Variants in NKAIN3 observed in about 807,000 individuals in gnomAD.
NKAIN3 encodes the protein sodium/potassium transporting ATPase interacting 3, also known as sodium/potassium-transporting ATPase subunit beta-1-interacting protein 3.
In NKAIN3, 25 loss-of-function variants were observed where a neutral mutation model predicts 30.2. That is an observed-to-expected ratio of 0.83 (90% CI 0.60 to 1.16). The LOEUF is 1.16. Ranked by LOEUF, NKAIN3 falls within the 50% of genes most tolerant of loss-of-function variation. The pLI is 0.00. For synonymous variants in NKAIN3, 91 were observed against 89.6 expected (o/e 1.02, Z -0.09); for missense variants, 225 against 254.1 (o/e 0.89, Z 0.78).
chr8:62,879,432 A>T (rs1376008562), intron 4 of NKAIN3, among the ~76,000 whole-genome samples: 1 of 152,096 alleles, frequency 6.6e-6, no homozygotes, highest in Non-Finnish European at 1.5e-5. Flanking sequence ...AGATGAGTAG[A>T]TTGCAAAAAT....
intron 3 of NKAIN3, among the ~76,000 whole-genome samples, chr8:62,590,385 A>G (rs1404604317): frequency 6.6e-6 from 1 of 151,894 alleles, no homozygotes; most frequent in Non-Finnish European, 1.5e-5. Context: ...CTGCCTGTCT[A>G]GAACTGTCAG....
chr8:62,288,207 T>A (rs985030801), intron 1 of NKAIN3, among the ~76,000 whole-genome samples: 1 of 152,088 alleles, frequency 6.6e-6, no homozygotes, highest in Non-Finnish European at 1.5e-5. Context: ...AGTGTTTTCA[T>A]CAGCGTTTAC....
chr8:62,865,581 A>G (rs1389664889), intron 4 of NKAIN3, among the ~76,000 whole-genome samples: 1 of 152,228 alleles, frequency 6.6e-6, no homozygotes, highest in East Asian at 1.9e-4. Context: ...GTTGTGTGAC[A>G]TGCAAATGTC....
At chr8:62,896,979 A>C (rs1025652223) in intron 4 of NKAIN3, among the ~76,000 whole-genome samples, 1 of 152,188 alleles carries the variant, frequency 6.6e-6, no homozygotes, top group Non-Finnish European at 1.5e-5. Flanking sequence ...AGAAGGAAGA[A>C]GCTATAAGAT....
chr8:62,827,462 T>C (rs1819062429), intron 4 of NKAIN3, among the ~76,000 whole-genome samples: 1 of 152,208 alleles, frequency 6.6e-6, no homozygotes, highest in African/African-American at 2.4e-5. Flanking sequence ...TCCAAATATG[T>C]GGAGAGCAAA....
chr8:62,443,376 A>G (rs1805388523), intron 1 of NKAIN3, among the ~76,000 whole-genome samples: 1 of 151,572 alleles, frequency 6.6e-6, no homozygotes, highest in African/African-American at 2.4e-5. Flanking sequence ...TTTAACTGAT[A>G]TTTTATTTAT....
chr8:62,382,931 T>C lies in NKAIN3; in HGVS notation c.54+133804T>C, dbSNP rs151264841. ...TTTTTCTACAATAACGATGGCCACT[T>C]TAATGGTGTAATCTTCACAGACTTT... is the stretch of plus-strand genomic sequence containing the variant. On this transcript the variant is annotated intron_variant, in intron 1 of 6. Transcript: ENST00000623646. 1.6e-4 allele frequency among the ~76,000 whole-genome samples: 24 copies of C among 152,304 alleles called. No homozygotes were observed. The East Asian group carries it at 4.6e-3, about 29-fold the overall frequency.
chr8:62,543,300 G>A (rs1003054185), intron 1 of NKAIN3, among the ~76,000 whole-genome samples: 2 of 151,988 alleles, frequency 1.3e-5, no homozygotes, highest in Non-Finnish European at 2.9e-5. Flanking sequence ...CCTTCCTTTG[G>A]TCCATCTAGC....
chr8:62,966,658 T>C lies in NKAIN3; in HGVS notation c.*1251T>C, dbSNP rs1823721284. On this transcript the variant is annotated 3_prime_UTR_variant, in exon 7 of 7. Transcript: ENST00000623646. ...CACTGATAATTTGGTCTGTTCTCAATATAAAATATATACACTTTTCACATC... is the reference window on the plus strand; with the variant it reads ...CACTGATAATTTGGTCTGTTCTCAACATAAAATATATACACTTTTCACATC... Among the ~76,000 whole-genome samples, 1 of 152,226 alleles carries C rather than the reference T, an allele frequency of 6.6e-6. No individual in the cohort carries two copies. Among genetic ancestry groups the C allele is most frequent in the South Asian group, 2.1e-4 (1 of 4,824 alleles).
In NKAIN3 at chr8:62,967,411, A is replaced by C. The variant is rs1054858980; in HGVS notation, c.*2004A>C. On this transcript the variant is annotated 3_prime_UTR_variant, in exon 7 of 7. Coordinates refer to ENST00000623646, the MANE Select transcript of NKAIN3 (RefSeq NM_001304533.3). ...GAGAATTTAACGAAAAATGTAAAAA[A>C]ATTCTCAGTACACAGTGAAGCACTC... Among the ~76,000 whole-genome samples, 3 of 152,114 alleles carry C rather than the reference A, an allele frequency of 2.0e-5. No individual in the cohort carries two copies. Among genetic ancestry groups the C allele is most frequent in the African/African-American group, 4.8e-5 (2 of 41,368 alleles).
At chr8:62,813,050 T>C (rs556067550) in intron 4 of NKAIN3, among the ~76,000 whole-genome samples, 2 of 152,076 alleles carry the variant, frequency 1.3e-5, no homozygotes, top group Admixed American at 1.3e-4. Context: ...TAAGGCCTCA[T>C]TCTTCTCCAC....
At chr8:62,312,144 A>G (rs936186177) in intron 1 of NKAIN3, among the ~76,000 whole-genome samples, 1 of 150,570 alleles carries the variant, frequency 6.6e-6, no homozygotes, top group Non-Finnish European at 1.5e-5. Flanking sequence ...AAGGAACTAC[A>G]TAAGATTTCT....
At chr8:62,894,952 T>G (rs1821389898) in intron 4 of NKAIN3, among the ~76,000 whole-genome samples, 1 of 152,202 alleles carries the variant, frequency 6.6e-6, no homozygotes, top group South Asian at 2.1e-4. Flanking sequence ...AGCAGTCAGC[T>G]CCCTTTAAAG....
At position 62,496,744 on chromosome 8, in the gene NKAIN3, A is replaced by T. The variant is rs150174706; in HGVS notation, c.55-82795A>T. ...TGAAGACCCGCTTTCAAAAAAATGG[A>T]GCTAAAACGTGTTGTATAACATGAT... On this transcript the variant is annotated intron_variant, in intron 1 of 6. Transcript: ENST00000623646. Among the ~76,000 whole-genome samples the T allele has an allele frequency of 2.6e-5, 4 of 152,300 alleles. No individual in the cohort carries two copies. The East Asian group carries it at 7.7e-4, about 29-fold the overall frequency.
rs1818868924 is a variant in NKAIN3, at chr8:62,822,214, G to A, written c.471+75085G>A. Among the ~76,000 whole-genome samples, 3 of 152,150 alleles carry A rather than the reference G, an allele frequency of 2.0e-5. No homozygotes were observed. In the South Asian group the frequency reaches 6.2e-4, roughly 31 times the overall value. ...CTATTGCTGATTTTATCTTCTTCAT[G>A]CTAGGGCATAATTTATTTCCTCTCA... On this transcript the variant is annotated intron_variant, in intron 4 of 6. Coordinates refer to ENST00000623646, the MANE Select transcript of NKAIN3 (RefSeq NM_001304533.3).
intron 3 of NKAIN3, among the ~76,000 whole-genome samples, chr8:62,606,790 C>T (rs773625952): frequency 6.6e-6 from 1 of 152,112 alleles, no homozygotes; most frequent in Non-Finnish European, 1.5e-5. Context: ...GGCATCAAGT[C>T]ATTTTAAGTA....
intron 4 of NKAIN3, among the ~76,000 whole-genome samples, chr8:62,837,900 T>C (rs1443949339): frequency 1.3e-5 from 2 of 152,046 alleles, no homozygotes; most frequent in Non-Finnish European, 2.9e-5. Flanking sequence ...GGGCTTGATA[T>C]CCAGAGAGAC....
At chr8:62,366,395 T>A (rs1162372772) in intron 1 of NKAIN3, among the ~76,000 whole-genome samples, 1 of 152,062 alleles carries the variant, frequency 6.6e-6, no homozygotes, top group African/African-American at 2.4e-5. Flanking sequence ...GTTGATTAAT[T>A]TTTGTATTTT....
At chr8:62,937,851 G>T (rs554556031) in intron 5 of NKAIN3, among the ~76,000 whole-genome samples, 13 of 152,162 alleles carry the variant, frequency 8.5e-5, no homozygotes, top group South Asian at 4.1e-4. Context: ...TAAATTTGGT[G>T]CTATTGGGGG....
Sources: gnomAD v4.1 joint callset for allele counts (sites outside exome capture counted in the v4.1 genomes callset) on GRCh38, gnomAD v4.1.1 for gene constraint, MANE v1.5 for transcripts, NCBI Gene and HGNC (gene_info 2026-07-23, HGNC 2026-07-21) for gene names.